ITFG1: variants seen among roughly 807,000 people sequenced by gnomAD.
The protein encoded by ITFG1 is integrin alpha FG-GAP repeat containing 1.
ITFG1 carries 34 observed loss-of-function variants against 81.8 expected under a neutral mutation model. The observed-to-expected ratio is 0.42, with a 90% CI of 0.32 to 0.55. ITFG1 has a LOEUF of 0.55. ITFG1 is among the 20% of genes least tolerant of loss of function. The pLI is 0.17. For synonymous variants in ITFG1, 285 were observed against 270.6 expected (o/e 1.05, Z -0.52); for missense variants, 672 against 755.4 (o/e 0.89, Z 1.29).
chr16:47,455,305 T>C (rs569778816), intron 2 of ITFG1, among the ~76,000 whole-genome samples: 3 of 150,278 alleles, frequency 2.0e-5, no homozygotes, highest in Admixed American at 6.6e-5. Context: ...CTAAAACAAA[T>C]AGCAATAAGG....
intron 5 of ITFG1, among the ~76,000 whole-genome samples, chr16:47,441,248 G>A (rs1969245665): frequency 1.3e-5 from 2 of 152,100 alleles, no homozygotes; most frequent in South Asian, 4.1e-4. Context: ...TCTACCAGAG[G>A]TACAAGGAGG....
intron 14 of ITFG1, chr16:47,202,462 T>C (rs541087383): frequency 8.4e-4 from 128 of 152,292 alleles, no homozygotes; most frequent in African/African-American, 2.9e-3. Context: ...ATTTTAAAAA[T>C]GTCTGCTGTT....
chr16:47,360,035 G>A (rs371754878), intron 8 of ITFG1, among the ~76,000 whole-genome samples: 3 of 152,170 alleles, frequency 2.0e-5, no homozygotes, highest in Admixed American at 6.5e-5. Flanking sequence ...ACTCTAAAAC[G>A]TTTTTTGAAT....
At chr16:47,183,340 CAA>C (rs1208423056) in intron 14 of ITFG1, among the ~76,000 whole-genome samples, 1 of 152,160 alleles carries the variant, frequency 6.6e-6, no homozygotes, top group Non-Finnish European at 1.5e-5. Flanking sequence ...CACAGACAAA[CAA>C]AAAGACAGCA....
intron 2 of ITFG1, among the ~76,000 whole-genome samples, chr16:47,456,929 A>G (rs1286179674): frequency 6.6e-6 from 1 of 152,202 alleles, no homozygotes; most frequent in Non-Finnish European, 1.5e-5. Flanking sequence ...CAGGATAGGT[A>G]TATGGCAGAT....
intron 10 of ITFG1, among the ~76,000 whole-genome samples, chr16:47,273,790 G>GTTTA (rs138805545): frequency 0.048 from 7,309 of 151,684 alleles, 512 homozygotes; most frequent in African/African-American, 0.16. Flanking sequence ...TAGTTTGTTT[G>GTTTA]TTTATTTATT....
At chr16:47,269,600 A>T (rs1052420525) in intron 10 of ITFG1, among the ~76,000 whole-genome samples, 2 of 152,092 alleles carry the variant, frequency 1.3e-5, no homozygotes, top group African/African-American at 4.8e-5. Flanking sequence ...TACATTGAAA[A>T]CTAGAAACAC....
At chr16:47,166,003 C>T (rs370174862) in intron 14 of ITFG1, among the ~76,000 whole-genome samples, 6 of 152,322 alleles carry the variant, frequency 3.9e-5, no homozygotes, top group Non-Finnish European at 8.8e-5. Flanking sequence ...GTAGTTCAGG[C>T]CATGACCGGA....
chr16:47,440,762 T>C (rs1969237467), intron 5 of ITFG1, among the ~76,000 whole-genome samples: 1 of 151,500 alleles, frequency 6.6e-6, no homozygotes, highest in Non-Finnish European at 1.5e-5. Context: ...CACCCTAATA[T>C]CACAATTAAA....
Position 47,446,044 on chromosome 16 carries a change from T to C in ITFG1, c.560+5352A>G, listed in dbSNP as rs985960788. ...AAGTCACTGTTAGCCACACAAGCTA[T>C]CTGTTGTAAGAAAGAAAAAAAAAAG... On this transcript the variant is annotated intron_variant, in intron 5 of 17. Transcript: ENST00000320640. 2.6e-5 allele frequency among the ~76,000 whole-genome samples: 4 copies of C among 152,070 alleles called. No homozygotes were observed. In the East Asian group the frequency reaches 7.7e-4, roughly 29 times the overall value.
intron 5 of ITFG1, among the ~76,000 whole-genome samples, chr16:47,445,733 G>A (rs1247640137): frequency 6.6e-6 from 1 of 152,122 alleles, no homozygotes; most frequent in Non-Finnish European, 1.5e-5. Flanking sequence ...TGGATCTTAA[G>A]AGACATGCAG....
chr16:47,178,571 T>C (rs1028551752), intron 14 of ITFG1, among the ~76,000 whole-genome samples: 1 of 152,088 alleles, frequency 6.6e-6, no homozygotes, highest in Non-Finnish European at 1.5e-5. Flanking sequence ...ATACAAAAAT[T>C]AATTCAAGAT....
Position 47,260,709 on chromosome 16 carries a change from G to T in ITFG1, c.1071-14C>A, listed in dbSNP as rs753476919. On this transcript the variant is annotated splice_polypyrimidine_tract_variant and intron_variant, in intron 10 of 17. Coordinates refer to ENST00000320640, the MANE Select transcript of ITFG1 (RefSeq NM_030790.5). Reference sequence around the variant, plus strand: ...GCCTGCTGGTTGCTGTGCGCCAAAGGAAAGGCATTTCGTTAATATAAACAT... The same window carrying T: ...GCCTGCTGGTTGCTGTGCGCCAAAGTAAAGGCATTTCGTTAATATAAACAT... 1.2e-6 allele frequency: 2 copies of T among 1,613,992 alleles called. No homozygotes were observed. The highest frequency in any genetic ancestry group is 2.2e-5 in the South Asian group (2 of 91,056).
At chr16:47,451,541 C>T in intron 4 of ITFG1, 71 bp from the exon 5 acceptor site, 2 of 839,872 alleles carry the variant, frequency 2.4e-6, no homozygotes, top group Non-Finnish European at 3.9e-6. Context: ...TTAAAAGAAG[C>T]AGTAACTTTT....
In ITFG1 at chr16:47,375,926, T is replaced by C. The variant is rs200401788; in HGVS notation, c.670A>G (p.Thr224Ala). ...AAGGTACTAGTGGTGGCATTCAATG[T>C]CGTCAGGAATAAATCTAGAAGGAAA... The part of the protein sequence containing the change: ...EDFTADLFLT[T>A]LNATTSTFQF... The change falls in exon 7 of 18, where the codon ACA becomes GCA. Residue 224 changes from threonine (T) to alanine (A), a missense_variant. This residue lies in a region of ITFG1 where 560 missense variants were observed against 625.7 expected (regional missense o/e 0.90). Coordinates refer to ENST00000320640, the MANE Select transcript of ITFG1 (RefSeq NM_030790.5). The C allele has an allele frequency of 3.1e-6, 5 of 1,602,788 alleles. No individual in the cohort carries two copies. The highest frequency in any genetic ancestry group is 4.3e-6 in the Non-Finnish European group (5 of 1,170,602).
At chr16:47,434,240 C>T (rs899105559) in intron 5 of ITFG1, among the ~76,000 whole-genome samples, 5 of 151,266 alleles carry the variant, frequency 3.3e-5, no homozygotes, top group African/African-American at 7.3e-5. Flanking sequence ...TTCTGCACAG[C>T]GAAAGAAACT....
At chr16:47,172,156 G>C (rs549081279) in intron 14 of ITFG1, among the ~76,000 whole-genome samples, 1 of 152,228 alleles carries the variant, frequency 6.6e-6, no homozygotes, top group South Asian at 2.1e-4. Flanking sequence ...ATATTTTCAT[G>C]TCTAACACAT....
At chr16:47,357,393 T>A (rs1968054005) in intron 8 of ITFG1, among the ~76,000 whole-genome samples, 2 of 151,902 alleles carry the variant, frequency 1.3e-5, no homozygotes. Flanking sequence ...GGTGGGCGGA[T>A]CGTGAGGTCA....
At chr16:47,338,126 T>C (rs140979358) in intron 8 of ITFG1, among the ~76,000 whole-genome samples, 74 of 152,294 alleles carry the variant, frequency 4.9e-4, no homozygotes, top group South Asian at 2.1e-3. Context: ...AATGGCACTA[T>C]AGGCCAGGCG....
Sources: allele counts gnomAD v4.1 joint callset (sites outside exome capture counted in the v4.1 genomes callset), GRCh38; gene constraint gnomAD v4.1.1; regional missense constraint gnomAD v4.1.1; transcripts MANE v1.5; gene names NCBI Gene and HGNC (gene_info 2026-07-23, HGNC 2026-07-21).